The following ERC2 variants were observed in gnomAD, a reference collection of about 807,000 sequenced individuals.
ERC2 encodes ELKS/RAB6-interacting/CAST family member 2, also known as ERC protein 2.
A neutral mutation model predicts 114.8 loss-of-function variants in ERC2; 42 were observed. That is an observed-to-expected ratio of 0.37 (90% CI 0.29 to 0.47). The LOEUF (loss-of-function observed/expected upper bound fraction) is 0.47. Among genes scored for constraint, ERC2 ranks in the 20% least tolerant of loss-of-function variants. The pLI, the probability that ERC2 is intolerant of heterozygous loss-of-function variation, is 0.99. For synonymous variants in ERC2, 454 were observed against 425.5 expected, an observed-to-expected ratio of 1.07 and a Z score of -0.82; for missense variants, 939 against 1,150.7, an observed-to-expected ratio of 0.82 and a Z score of 2.66.
chr3:56,340,512 G>A (rs185938852), intron 2 of ERC2, among the ~76,000 whole-genome samples: 1 of 148,406 alleles, frequency 6.7e-6, no homozygotes, highest in Non-Finnish European at 1.5e-5. Context: ...GTGTGTGTGT[G>A]TTTGTGTGTG....
chr3:56,098,695 C>T (rs2078193345), intron 6 of ERC2, among the ~76,000 whole-genome samples: 2 of 152,082 alleles, frequency 1.3e-5, no homozygotes, highest in African/African-American at 2.4e-5. Flanking sequence ...CTTCATAGAG[C>T]CTAATGTTAG....
intron 2 of ERC2, among the ~76,000 whole-genome samples, chr3:56,338,206 GT>G (rs1288709842): frequency 2.0e-5 from 3 of 152,150 alleles, no homozygotes; most frequent in Admixed American, 2.0e-4. Flanking sequence ...AGACTTTTAG[GT>G]TGTTTCCTTA....
rs539352537 is a variant in ERC2, at chr3:55,550,843, C to T, written c.*40-39567G>A. On this transcript the variant is annotated intron_variant, in intron 17 of 17. Coordinates refer to ENST00000288221, the MANE Select transcript of ERC2 (RefSeq NM_015576.3). ...CATCCTGGCTAACACGGTGAAACCCCATCTCTACTAAAAATACAAAAAATT... is the reference window on the plus strand; with the variant it reads ...CATCCTGGCTAACACGGTGAAACCCTATCTCTACTAAAAATACAAAAAATT... Among the ~76,000 whole-genome samples the T allele has an allele frequency of 3.9e-4, 59 of 152,054 alleles. No individual in the cohort carries two copies. In the Middle Eastern group the frequency reaches 0.01, roughly 26 times the overall value.
intron 2 of ERC2, among the ~76,000 whole-genome samples, chr3:56,369,731 C>A (rs941299287): frequency 1.3e-5 from 2 of 151,274 alleles, no homozygotes; most frequent in Non-Finnish European, 2.9e-5. Context: ...GGCTGGAGTG[C>A]AGTGGCACAA....
At position 55,950,474 on chromosome 3, in the gene ERC2, T is replaced by G; in HGVS notation, c.2354A>C (p.Glu785Ala). 1 of 1,614,056 alleles carries G rather than the reference T, an allele frequency of 6.2e-7. No homozygotes were observed. The highest frequency in any genetic ancestry group is 8.5e-7 in the Non-Finnish European group (1 of 1,179,900). Reference sequence around the variant, plus strand: ...CATGCTGTCTTCTCGCCTGCGCACTTCTTCTAGTAACTGAGCATTTTTCTT... The same window carrying G: ...CATGCTGTCTTCTCGCCTGCGCACTGCTTCTAGTAACTGAGCATTTTTCTT... ...EKKKNAQLLEEVRRREDSMAD... is the reference protein window; with the variant it reads ...EKKKNAQLLEAVRRREDSMAD... The change falls in exon 13 of 18, where the codon GAA becomes GCA. Residue 785 changes from glutamate to alanine, a missense_variant. Transcript: ENST00000288221.
intron 2 of ERC2, among the ~76,000 whole-genome samples, chr3:56,307,392 T>G (rs2056292217): frequency 6.6e-6 from 1 of 152,146 alleles, no homozygotes; most frequent in African/African-American, 2.4e-5. Context: ...AGTATGGGTT[T>G]TGAGCAATAT....
intron 3 of ERC2, among the ~76,000 whole-genome samples, chr3:56,259,589 C>T (rs1430436119): frequency 6.6e-6 from 1 of 151,630 alleles, no homozygotes; most frequent in Non-Finnish European, 1.5e-5. Flanking sequence ...ATATAATATC[C>T]CAGATACCCT....
chr3:55,609,431 C>A (rs2058789134), intron 17 of ERC2, among the ~76,000 whole-genome samples: 1 of 152,132 alleles, frequency 6.6e-6, no homozygotes, highest in African/African-American at 2.4e-5. Flanking sequence ...GCGATCTCTG[C>A]CTAACTGTGC....
chr3:55,751,265 T>C (rs775647511), intron 14 of ERC2, among the ~76,000 whole-genome samples: 2 of 152,150 alleles, frequency 1.3e-5, no homozygotes, highest in Non-Finnish European at 2.9e-5. Context: ...GTTTCCAATA[T>C]GGTATCTTTA....
intron 17 of ERC2, among the ~76,000 whole-genome samples, chr3:55,650,849 T>C (rs984511048): frequency 6.9e-6 from 1 of 145,220 alleles, no homozygotes; most frequent in Admixed American, 7.0e-5. Context: ...GTGTTTTTTT[T>C]TTCTTTTTTT....
intron 8 of ERC2, 144 bp downstream of exon 8, chr3:56,018,750 G>T: frequency 2.4e-6 from 2 of 837,144 alleles, no homozygotes; most frequent in Non-Finnish European, 3.6e-6. Flanking sequence ...AAGAGGGCTT[G>T]TGTGGGAAGA....
chr3:56,249,807 T>C (rs2052007122), intron 3 of ERC2, among the ~76,000 whole-genome samples: 1 of 151,868 alleles, frequency 6.6e-6, no homozygotes, highest in Non-Finnish European at 1.5e-5. Context: ...ATCCATTTTA[T>C]CTGACATTTC....
At chr3:55,757,463 A>T (rs2067134908) in intron 14 of ERC2, among the ~76,000 whole-genome samples, 1 of 152,188 alleles carries the variant, frequency 6.6e-6, no homozygotes, top group African/African-American at 2.4e-5. Context: ...TAATAAAATT[A>T]TACTAGGTGG....
chr3:55,751,092 G>C (rs889495801), intron 14 of ERC2, among the ~76,000 whole-genome samples: 2 of 152,182 alleles, frequency 1.3e-5, no homozygotes, highest in African/African-American at 2.4e-5. Flanking sequence ...CGTGATTGCT[G>C]CATGTTACTA....
chr3:55,554,134 T>C lies in ERC2; in HGVS notation c.*40-42858A>G, dbSNP rs138324058. Reference sequence around the variant, plus strand: ...TCTTTGCATAATTCTTTGCATATACTGAGGTAGAATGCGGTGTTCTAGGGT... The same window carrying C: ...TCTTTGCATAATTCTTTGCATATACCGAGGTAGAATGCGGTGTTCTAGGGT... On this transcript the variant is annotated intron_variant, in intron 17 of 17. Transcript: ENST00000288221. Among the ~76,000 whole-genome samples, 1,255 of 152,306 alleles carry C rather than the reference T, an allele frequency of 8.2e-3. 20 individuals carry two copies. The highest frequency in any genetic ancestry group is 0.029 in the African/African-American group (1,191 of 41,568).
intron 6 of ERC2, among the ~76,000 whole-genome samples, chr3:56,125,423 A>G (rs1296301195): frequency 6.6e-6 from 1 of 152,200 alleles, no homozygotes; most frequent in Non-Finnish European, 1.5e-5. Context: ...GATGTCAAGC[A>G]AAAATCGTGT....
intron 14 of ERC2, among the ~76,000 whole-genome samples, chr3:55,869,032 T>C (rs1356583878): frequency 2.0e-5 from 3 of 152,198 alleles, no homozygotes; most frequent in Non-Finnish European, 2.9e-5. Flanking sequence ...TATAAACATA[T>C]AAATTATTCC....
chr3:55,551,775 C>T (rs1299511686), intron 17 of ERC2, among the ~76,000 whole-genome samples: 1 of 152,148 alleles, frequency 6.6e-6, no homozygotes, highest in Non-Finnish European at 1.5e-5. Context: ...AAATGCTAAA[C>T]TCGTCCAAAA....
intron 3 of ERC2, among the ~76,000 whole-genome samples, chr3:56,200,118 G>T (rs943440358): frequency 6.6e-6 from 1 of 152,056 alleles, no homozygotes; most frequent in Non-Finnish European, 1.5e-5. Flanking sequence ...GAGGAATTCA[G>T]ACTATAATAT....
Sources: allele counts gnomAD v4.1 joint callset (sites outside exome capture counted in the v4.1 genomes callset), GRCh38; gene constraint gnomAD v4.1.1; transcripts MANE v1.5; gene names NCBI Gene and HGNC (gene_info 2026-07-23, HGNC 2026-07-21).